Variants in HHAT observed in about 807,000 individuals in gnomAD.
The protein encoded by HHAT is hedgehog acyltransferase.
In HHAT, 47 loss-of-function variants were observed where a neutral mutation model predicts 70.8. The observed-to-expected ratio is 0.66, with a 90% CI of 0.53 to 0.85. The LOEUF (loss-of-function observed/expected upper bound fraction) is 0.85. HHAT is among the 40% of genes least tolerant of loss of function. The pLI, the probability that HHAT is intolerant of heterozygous loss-of-function variation, is 0.00. For missense variants in HHAT, 609 were observed against 604.8 expected (o/e 1.01, Z -0.07); for synonymous variants, 228 against 247.6 (o/e 0.92, Z 0.74).
intron 11 of HHAT, among the ~76,000 whole-genome samples, chr1:210,636,706 G>A (rs1255898480): frequency 1.3e-5 from 2 of 152,048 alleles, no homozygotes; most frequent in Admixed American, 6.6e-5. Flanking sequence ...TACCATTGCC[G>A]GAAACAGAAG....
At chr1:210,659,283 T>C (rs1425421061) in intron 11 of HHAT, among the ~76,000 whole-genome samples, 1 of 152,132 alleles carries the variant, frequency 6.6e-6, no homozygotes, top group Non-Finnish European at 1.5e-5. Flanking sequence ...AAATACAAAC[T>C]ACCATCAGAG....
chr1:210,651,943 G>C (rs552357555), intron 11 of HHAT, among the ~76,000 whole-genome samples: 111 of 152,320 alleles, frequency 7.3e-4, no homozygotes, highest in African/African-American at 2.5e-3. Flanking sequence ...TCCTGACCTT[G>C]AGAGGCCCAG....
intron 9 of HHAT, among the ~76,000 whole-genome samples, chr1:210,544,996 G>T (rs1252046923): frequency 6.6e-6 from 1 of 151,612 alleles, no homozygotes; most frequent in African/African-American, 2.4e-5. Flanking sequence ...TCTTATCTGG[G>T]CAACTGAAGT....
intron 1 of HHAT, among the ~76,000 whole-genome samples, chr1:210,339,521 C>T (rs1206116210): frequency 6.6e-6 from 1 of 152,104 alleles, no homozygotes; most frequent in Non-Finnish European, 1.5e-5. Flanking sequence ...GGATGTTGCA[C>T]CTCTTGCCTC....
At chr1:210,432,287 A>G (rs1225825959) in intron 7 of HHAT, among the ~76,000 whole-genome samples, 1 of 151,898 alleles carries the variant, frequency 6.6e-6, no homozygotes, top group Non-Finnish European at 1.5e-5. Context: ...AGAACTTTAG[A>G]GAATGTTAAA....
intron 9 of HHAT, among the ~76,000 whole-genome samples, chr1:210,570,382 G>A (rs1379082351): frequency 6.6e-6 from 1 of 152,198 alleles, no homozygotes; most frequent in Non-Finnish European, 1.5e-5. Context: ...GCCCTGTGAG[G>A]CTCAGCAGAG....
At chr1:210,657,739 T>C (rs886928904) in intron 11 of HHAT, among the ~76,000 whole-genome samples, 3 of 152,208 alleles carry the variant, frequency 2.0e-5, no homozygotes, top group Non-Finnish European at 2.9e-5. Context: ...CATTTGGTGG[T>C]GGTAGAAGAG....
chr1:210,418,052 G>C, intron 6 of HHAT, 102 bp from the exon 7 acceptor site: 1 of 1,090,394 alleles, frequency 9.2e-7, no homozygotes, highest in South Asian at 1.4e-5. Context: ...CTGTCAGCTG[G>C]CATAGCAATA....
At chr1:210,660,646 G>A (rs1270824876) in intron 11 of HHAT, among the ~76,000 whole-genome samples, 2 of 152,102 alleles carry the variant, frequency 1.3e-5, no homozygotes, top group African/African-American at 2.4e-5. Flanking sequence ...GAGGCATCAC[G>A]CTACCTGACT....
intron 10 of HHAT, chr1:210,590,376 C>T (rs1361165390): frequency 6.6e-6 from 1 of 151,838 alleles, no homozygotes; most frequent in Non-Finnish European, 1.5e-5. Context: ...CTCACATCCT[C>T]AGTAGTATTC....
At chr1:210,564,680 TA>T (rs1167148610) in intron 9 of HHAT, among the ~76,000 whole-genome samples, 1 of 152,086 alleles carries the variant, frequency 6.6e-6, no homozygotes, top group Non-Finnish European at 1.5e-5. Flanking sequence ...AGAAATTATC[TA>T]AAGAGGAAAG....
chr1:210,364,630 C>T (rs1274538407), intron 3 of HHAT, among the ~76,000 whole-genome samples: 1 of 152,236 alleles, frequency 6.6e-6, no homozygotes, highest in Admixed American at 6.5e-5. Context: ...AGGGCAGGCT[C>T]AGCCCAGCCA....
chr1:210,442,682 A>G (rs894092939), intron 7 of HHAT, among the ~76,000 whole-genome samples: 3 of 152,112 alleles, frequency 2.0e-5, no homozygotes, highest in Admixed American at 1.3e-4. Flanking sequence ...TCCTTTGCCC[A>G]CTTTTTGATG....
Position 210,454,281 on chromosome 1 carries a change from C to T in HHAT, c.857-10224C>T, listed in dbSNP as rs144964459. On this transcript the variant is annotated intron_variant, in intron 7 of 11. Transcript: ENST00000261458. ...GTGTAAAGCTCCCTTCGGCCGGGCA[C>T]GGTGACTCACGCCTGTAATCCCAGC... Among the ~76,000 whole-genome samples the T allele has an allele frequency of 3.0e-4, 45 of 152,248 alleles. 1 individual carries two copies. In the East Asian group the frequency reaches 8.1e-3, roughly 28 times the overall value.
At chr1:210,562,606 C>G (rs552413174) in intron 9 of HHAT, among the ~76,000 whole-genome samples, 1 of 152,010 alleles carries the variant, frequency 6.6e-6, no homozygotes, top group African/African-American at 2.4e-5. Flanking sequence ...TCTTTGTGTT[C>G]AATGTCTTGG....
intron 11 of HHAT, among the ~76,000 whole-genome samples, chr1:210,629,730 C>T (rs1288281684): frequency 6.6e-6 from 1 of 152,156 alleles, no homozygotes; most frequent in Admixed American, 6.5e-5. Flanking sequence ...CCTCTGTTTT[C>T]AAAGCCAGCA....
chr1:210,398,004 G>A (rs1328719421), intron 4 of HHAT, among the ~76,000 whole-genome samples: 2 of 152,148 alleles, frequency 1.3e-5, no homozygotes, highest in East Asian at 3.9e-4. Context: ...TTGTTTGTTT[G>A]TTACTTATTT....
At chr1:210,644,831 A>C (rs1468843230) in intron 11 of HHAT, among the ~76,000 whole-genome samples, 1 of 152,010 alleles carries the variant, frequency 6.6e-6, no homozygotes, top group Admixed American at 6.5e-5. Context: ...GCACAGAACA[A>C]CTTGTTATAA....
intron 4 of HHAT, among the ~76,000 whole-genome samples, chr1:210,391,479 G>A (rs2091455615): frequency 6.6e-6 from 1 of 152,108 alleles, no homozygotes; most frequent in Non-Finnish European, 1.5e-5. Flanking sequence ...TAGAAAAGTG[G>A]AAAGGCAAGT....
Sources: allele counts gnomAD v4.1 joint callset (sites outside exome capture counted in the v4.1 genomes callset), GRCh38; gene constraint gnomAD v4.1.1; transcripts MANE v1.5; gene names NCBI Gene and HGNC (gene_info 2026-07-23, HGNC 2026-07-21).